Variants in CEP76 observed in about 807,000 individuals in gnomAD.
The protein encoded by CEP76 is centrosomal protein 76.
In CEP76, 55 loss-of-function variants were observed where a neutral mutation model predicts 83.3. That is an observed-to-expected ratio of 0.66 (90% CI 0.53 to 0.83). The LOEUF is 0.83. Among genes scored for constraint, CEP76 ranks in the 40% least tolerant of loss-of-function variants. CEP76 has a pLI of 0.00. For synonymous variants in CEP76, 270 were observed against 274.5 expected (o/e 0.98, Z 0.16); for missense variants, 694 against 799.5 (o/e 0.87, Z 1.59).
chr18:12,665,387 TTATATG>T (rs1173630602), intron 12 of CEP76, among the ~76,000 whole-genome samples: 1 of 152,048 alleles, frequency 6.6e-6, no homozygotes, highest in African/African-American at 2.4e-5. Flanking sequence ...AGTTCATGCC[TTATATG>T]TATACTTGTG....
intron 9 of CEP76, chr18:12,679,298 C>G (rs1352954580): frequency 6.6e-6 from 1 of 152,096 alleles, no homozygotes. Flanking sequence ...GGAGTGCACA[C>G]TGGGGAGAAG....
At chr18:12,677,026 A>G (rs2039159890) in intron 10 of CEP76, among the ~76,000 whole-genome samples, 1 of 152,222 alleles carries the variant, frequency 6.6e-6, no homozygotes, top group Non-Finnish European at 1.5e-5. Context: ...CCCACCCCAC[A>G]GCTTCAATCT....
chr18:12,663,097 A>G (rs2038731290), intron 12 of CEP76, among the ~76,000 whole-genome samples: 1 of 152,216 alleles, frequency 6.6e-6, no homozygotes, highest in Admixed American at 6.5e-5. Flanking sequence ...GCAAATGTTA[A>G]GTGACTTACC....
intron 9 of CEP76, among the ~76,000 whole-genome samples, chr18:12,679,447 G>C (rs2039269321): frequency 6.6e-6 from 1 of 152,154 alleles, no homozygotes; most frequent in South Asian, 2.1e-4. Flanking sequence ...CACACTAGCA[G>C]GCACTCTGGC....
chr18:12,681,255 CAT>C (rs1491416132), intron 8 of CEP76, among the ~76,000 whole-genome samples: 3 of 114,802 alleles, frequency 2.6e-5, no homozygotes, highest in Admixed American at 8.8e-5. Flanking sequence ...AAAAGTAGAA[CAT>C]TTTTTTTTTT....
At chr18:12,696,313 G>A (rs1432184302) in intron 5 of CEP76, among the ~76,000 whole-genome samples, 1 of 152,068 alleles carries the variant, frequency 6.6e-6, no homozygotes, top group Non-Finnish European at 1.5e-5. Flanking sequence ...GACCATCCCG[G>A]CCAACATGGT....
intron 10 of CEP76, among the ~76,000 whole-genome samples, chr18:12,676,997 T>C (rs1273232478): frequency 6.6e-6 from 1 of 152,210 alleles, no homozygotes; most frequent in Non-Finnish European, 1.5e-5. Flanking sequence ...GTTGGTGATA[T>C]GTGTTACAAA....
At chr18:12,687,954 T>C (rs551191701) in intron 7 of CEP76, among the ~76,000 whole-genome samples, 1 of 151,838 alleles carries the variant, frequency 6.6e-6, no homozygotes, top group South Asian at 2.1e-4. Flanking sequence ...TAAAACCTAA[T>C]GGCCTTAGGC....
At chr18:12,687,533 A>C (rs1332335287) in intron 7 of CEP76, among the ~76,000 whole-genome samples, 4 of 148,914 alleles carry the variant, frequency 2.7e-5, no homozygotes, top group Non-Finnish European at 5.9e-5. Context: ...GGCTCGCTGC[A>C]ACCTCCGCCC....
At chr18:12,686,080 G>T in intron 8 of CEP76, 182 bp downstream of exon 8, 3 of 476,566 alleles carry the variant, frequency 6.3e-6, no homozygotes, top group East Asian at 3.4e-5. Flanking sequence ...TTTTATTATT[G>T]TAATTTTTTA....
Position 12,674,758 on chromosome 18 carries a change from G to T in CEP76, c.1624-5C>A, listed in dbSNP as rs1199115704. 1.9e-6 allele frequency: 3 copies of T among 1,572,662 alleles called. No individual in the cohort carries two copies. Among genetic ancestry groups the T allele is most frequent in the East Asian group, 2.3e-5 (1 of 44,408 alleles). On this transcript the variant is annotated splice_region_variant and splice_polypyrimidine_tract_variant and intron_variant, in intron 10 of 11. Coordinates refer to ENST00000262127, the MANE Select transcript of CEP76 (RefSeq NM_024899.4). The stretch of plus-strand genomic sequence containing the variant: ...AACAGTAGTGAGGCCAAGATCCTAT[G>T]AGCAATCAAGAGAAAAAGAAAAAGT...
At chr18:12,699,506 C>A (rs933210675) in intron 3 of CEP76, among the ~76,000 whole-genome samples, 1 of 152,130 alleles carries the variant, frequency 6.6e-6, no homozygotes, top group Non-Finnish European at 1.5e-5. Context: ...CATTCCTCCA[C>A]CTTCACAAAC....
intron 10 of CEP76, among the ~76,000 whole-genome samples, chr18:12,677,603 G>T (rs866275659): frequency 6.6e-6 from 1 of 150,922 alleles, no homozygotes; most frequent in South Asian, 2.1e-4. Flanking sequence ...TATGAAAAAA[G>T]TATAACCCAG....
At chr18:12,668,224 C>T (rs1425814709), downstream of CEP76, among the ~76,000 whole-genome samples, 1 of 151,952 alleles carries the variant, frequency 6.6e-6, no homozygotes, top group Non-Finnish European at 1.5e-5. Context: ...GAGATTGCAC[C>T]ACTGCACTCC....
Position 12,701,121 on chromosome 18 carries a change from G to A in CEP76, c.64-8C>T. ...TCTACCATGGACATCCATCTATGTAGAAAACTCATATTACAATTTATAACA... is the reference window on the plus strand; with the variant it reads ...TCTACCATGGACATCCATCTATGTAAAAAACTCATATTACAATTTATAACA... On this transcript the variant is annotated splice_region_variant and splice_polypyrimidine_tract_variant and intron_variant, in intron 1 of 11. Coordinates refer to ENST00000262127, the MANE Select transcript of CEP76 (RefSeq NM_024899.4). 1 of 1,602,644 alleles carries A rather than the reference G, an allele frequency of 6.2e-7. No homozygotes were observed.
intron 12 of CEP76, among the ~76,000 whole-genome samples, chr18:12,667,018 G>A (rs1419716880): frequency 1.3e-5 from 2 of 150,796 alleles, no homozygotes; most frequent in African/African-American, 2.4e-5. Context: ...AGATGTATAC[G>A]GAAAACAACA....
At position 12,672,674 on chromosome 18, in the gene CEP76, TATA is replaced by T; in HGVS notation, c.*688_*690del. On this transcript the variant is annotated 3_prime_UTR_variant, in exon 12 of 12. Transcript: ENST00000262127. The stretch of plus-strand genomic sequence containing the variant: ...ATTTATCAGTATCATAACAAAGAGG[TATA>T]ATAAAGTTTTTCTAAAATACCCAAT... The T allele has an allele frequency of 2.0e-6, 2 of 979,000 alleles. No individual in the cohort carries two copies. Among genetic ancestry groups the T allele is most frequent in the Non-Finnish European group, 2.4e-6 (2 of 824,156 alleles). 60.6% of individuals were successfully genotyped at this position (979,000 alleles called of 1,614,324 possible). A position where few individuals can be genotyped will look rare whatever the true frequency, so the allele number is the denominator to read the frequency against.
intron 5 of CEP76, among the ~76,000 whole-genome samples, chr18:12,696,631 T>C (rs1473694642): frequency 6.6e-6 from 1 of 152,118 alleles, no homozygotes; most frequent in Non-Finnish European, 1.5e-5. Flanking sequence ...CATTGGTAGG[T>C]TTTGTTTTCT....
chr18:12,702,680 C>A lies in CEP76; in HGVS notation c.-132G>T. ...GCAGCCGTTCGCCTAGCGCAGCTCC[C>A]GGGGGACGCAACGCCGCGTCAGGCC... On this transcript the variant is annotated 5_prime_UTR_variant, in exon 1 of 12. Transcript: ENST00000262127. 2 of 1,024,546 alleles carry A rather than the reference C, an allele frequency of 2.0e-6. No individual in the cohort carries two copies. Among genetic ancestry groups the A allele is most frequent in the South Asian group, 3.4e-5 (2 of 58,698 alleles). The allele number at this position is 1,024,546 out of a possible 1,614,324, so 63.5% of individuals were successfully genotyped here.
Sources: gnomAD v4.1 joint callset for allele counts (sites outside exome capture counted in the v4.1 genomes callset) on GRCh38, gnomAD v4.1.1 for gene constraint, MANE v1.5 for transcripts, NCBI Gene and HGNC (gene_info 2026-07-23, HGNC 2026-07-21) for gene names.